Variants in PEX14 observed in about 807,000 individuals in gnomAD.
The protein encoded by PEX14 is peroxisomal biogenesis factor 14.
In PEX14, 15 loss-of-function variants were observed where a neutral mutation model predicts 49.5. The observed-to-expected ratio is 0.30, with a 90% CI of 0.20 to 0.47. The LOEUF (loss-of-function observed/expected upper bound fraction) is 0.47, where lower values mean the gene tolerates loss of function less well. PEX14 is among the 20% of genes least tolerant of loss of function. The probability of loss-of-function intolerance (pLI) is 1.00; values close to 1 mark genes in which losing one functional copy is unlikely to be tolerated. For synonymous variants in PEX14, 210 were observed against 212.7 expected (o/e 0.99, Z 0.11); for missense variants, 398 against 494.8 (o/e 0.80, Z 1.86).
intron 3 of PEX14, among the ~76,000 whole-genome samples, chr1:10,563,060 C>T (rs1263643990): frequency 2.1e-5 from 3 of 145,930 alleles, no homozygotes; most frequent in African/African-American, 7.6e-5. Context: ...TACAGGTGCA[C>T]ACCACCATGC....
intron 3 of PEX14, among the ~76,000 whole-genome samples, chr1:10,542,518 T>C (rs534786612): frequency 6.6e-6 from 1 of 152,278 alleles, no homozygotes; most frequent in South Asian, 2.1e-4. Flanking sequence ...TCCCAGCACT[T>C]CGGGAGGCAG....
intron 3 of PEX14, among the ~76,000 whole-genome samples, chr1:10,557,096 A>C (rs1639510263): frequency 6.6e-6 from 1 of 151,228 alleles, no homozygotes; most frequent in Non-Finnish European, 1.5e-5. Context: ...TAGGTCTTGG[A>C]TGTAACTGGT....
chr1:10,583,787 T>C (rs1255409626), intron 3 of PEX14, among the ~76,000 whole-genome samples: 1 of 152,054 alleles, frequency 6.6e-6, no homozygotes, highest in Non-Finnish European at 1.5e-5. Flanking sequence ...AAGCAAACCA[T>C]GCAGATTTCT....
intron 2 of PEX14, among the ~76,000 whole-genome samples, chr1:10,522,553 T>G (rs1165404145): frequency 6.6e-6 from 1 of 152,240 alleles, no homozygotes; most frequent in African/African-American, 2.4e-5. Flanking sequence ...TTTGGCTTGT[T>G]TCCTCATCTT....
intron 3 of PEX14, among the ~76,000 whole-genome samples, chr1:10,557,534 T>C (rs11121585): frequency 0.73 from 110,748 of 152,140 alleles, 41,441 homozygotes; most frequent in Non-Finnish European, 0.82. Context: ...TGCAGTGACC[T>C]GAGATCGTGC....
chr1:10,500,373 C>CAAAAA (rs750781683), intron 2 of PEX14, among the ~76,000 whole-genome samples: 2,697 of 43,094 alleles, frequency 0.063, 4 homozygotes, highest in Middle Eastern at 0.08. Context: ...GATTCTGTCT[C>CAAAAA]AAAAAAAAAA....
At chr1:10,510,664 G>A (rs2480784) in intron 2 of PEX14, among the ~76,000 whole-genome samples, 10,144 of 152,244 alleles carry the variant, frequency 0.067, 504 homozygotes, top group East Asian at 0.15. Context: ...GGCATATACC[G>A]TATTGCTCAG....
chr1:10,583,248 C>T (rs768429650), intron 3 of PEX14, among the ~76,000 whole-genome samples: 29 of 149,192 alleles, frequency 1.9e-4, no homozygotes, highest in Non-Finnish European at 4.0e-4. Flanking sequence ...GAGATAGAGT[C>T]TTGTTTTGTC....
In PEX14 at chr1:10,495,055, G is replaced by T. The variant is rs1641534755; in HGVS notation, c.37-219G>T. 1.0e-6 allele frequency: 1 copy of T among 974,946 alleles called. No homozygotes were observed. The highest frequency in any genetic ancestry group is 4.7e-5 in the South Asian group (1 of 21,064). 60.4% of individuals were successfully genotyped at this position (974,946 alleles called of 1,614,324 possible). A position where few individuals can be genotyped will look rare whatever the true frequency, so the allele number is the denominator to read the frequency against. Reference sequence around the variant, plus strand: ...TTGTTCTTGGAGTGGTGTGACAAGTGAACCCAGAAACAGTCTTCATCTTCC... The same window carrying T: ...TTGTTCTTGGAGTGGTGTGACAAGTTAACCCAGAAACAGTCTTCATCTTCC... On this transcript the variant is annotated intron_variant, in intron 1 of 8. Transcript: ENST00000356607. This position sits in a 1 kb window ranked among gnomAD's most constrained non-coding sequence, Gnocchi z 4.2.
In PEX14 at chr1:10,597,956, C is replaced by T. The variant is rs1640874083; in HGVS notation, c.170-1282C>T. 1.3e-5 allele frequency among the ~76,000 whole-genome samples: 2 copies of T among 152,316 alleles called. No individual in the cohort carries two copies. The highest frequency in any genetic ancestry group is 4.8e-5 in the African/African-American group (2 of 41,562). On this transcript the variant is annotated intron_variant, in intron 3 of 8. Transcript: ENST00000356607. This position sits in a 1 kb window ranked among gnomAD's most constrained non-coding sequence, Gnocchi z 5.7. ...AGCTGTGCTTTAAAGCATTAATGTG[C>T]ACCATCTATTAGCCCCTAGGCATGG...
intron 3 of PEX14, among the ~76,000 whole-genome samples, chr1:10,563,846 G>A (rs971494151): frequency 4.0e-5 from 6 of 151,892 alleles, no homozygotes; most frequent in Admixed American, 6.6e-5. Context: ...CAGGAGGCGG[G>A]GCTTGCAGTG....
chr1:10,556,232 T>G (rs1442375263), intron 3 of PEX14, among the ~76,000 whole-genome samples: 1 of 152,098 alleles, frequency 6.6e-6, no homozygotes, highest in Non-Finnish European at 1.5e-5. Flanking sequence ...GACTCCTGGC[T>G]GGAGCTGGTG....
chr1:10,570,635 T>C (rs933003851), intron 3 of PEX14, among the ~76,000 whole-genome samples: 2 of 152,032 alleles, frequency 1.3e-5, no homozygotes, highest in African/African-American at 4.8e-5. Context: ...CCTGGCTCTG[T>C]TTTTTCATTG....
At chr1:10,566,943 TG>T (rs1490965368) in intron 3 of PEX14, among the ~76,000 whole-genome samples, 1 of 152,180 alleles carries the variant, frequency 6.6e-6, no homozygotes, top group Non-Finnish European at 1.5e-5. Flanking sequence ...CATCCATTAT[TG>T]CAAGGGTTGA....
intron 2 of PEX14, among the ~76,000 whole-genome samples, chr1:10,533,238 C>T (rs1431033517): frequency 6.6e-6 from 1 of 151,702 alleles, no homozygotes; most frequent in African/African-American, 2.4e-5. Flanking sequence ...GTAGTGATGT[C>T]GATGCTGTTA....
chr1:10,484,294 T>C (rs57443048), intron 1 of PEX14, among the ~76,000 whole-genome samples: 2,241 of 151,738 alleles, frequency 0.015, 112 homozygotes, highest in African/African-American at 0.052. Flanking sequence ...CACCTCGGCC[T>C]CCCAAAGTGC....
At chr1:10,488,020 A>G (rs1365536965) in intron 1 of PEX14, among the ~76,000 whole-genome samples, 1 of 152,006 alleles carries the variant, frequency 6.6e-6, no homozygotes, top group East Asian at 1.9e-4. Flanking sequence ...ACCTCAAGTT[A>G]TCTACCTGCC....
intron 4 of PEX14, among the ~76,000 whole-genome samples, chr1:10,612,252 C>T (rs1431456051): frequency 2.0e-5 from 3 of 152,080 alleles, no homozygotes; most frequent in Non-Finnish European, 4.4e-5. Flanking sequence ...ATTATCCTTT[C>T]CCCATAGAGC....
In PEX14 at chr1:10,537,341, A is replaced by ACCACCCCC. The variant is rs796854134; in HGVS notation, c.169+1046_169+1047insACCCCCCC. 2.5e-4 allele frequency among the ~76,000 whole-genome samples: 7 copies of ACCACCCCC among 28,430 alleles called. 1 individual carries two copies. Among genetic ancestry groups the ACCACCCCC allele is most frequent in the African/African-American group, 9.9e-4 (7 of 7,082 alleles). The allele number at this position is 28,430 out of a possible 152,430, so 18.7% of individuals were successfully genotyped here. A position where few individuals can be genotyped will look rare whatever the true frequency, so the allele number is the denominator to read the frequency against. On this transcript the variant is annotated intron_variant, in intron 3 of 8. Coordinates refer to ENST00000356607, the MANE Select transcript of PEX14 (RefSeq NM_004565.3). ...TGCTCACTGGCTGCATTGTGCCAGC[A>ACCACCCCC]CCCCCCCCCCCCGCCATCATTAGGA...
Sources: allele counts gnomAD v4.1 joint callset (sites outside exome capture counted in the v4.1 genomes callset), GRCh38; gene constraint gnomAD v4.1.1; non-coding constraint Gnocchi (gnomAD v3.1); transcripts MANE v1.5; gene names NCBI Gene and HGNC (gene_info 2026-07-23, HGNC 2026-07-21).